Variants in PARD3B observed in about 807,000 individuals in gnomAD.
PARD3B encodes the protein par-3 family cell polarity regulator beta, also known as partitioning defective 3 homolog B.
Under a neutral mutation model 130.2 loss-of-function variants are expected in PARD3B, and 103 were observed. The ratio of observed to expected loss-of-function variants is 0.79; its 90% CI spans 0.67 to 0.93. PARD3B has a LOEUF of 0.93. Among genes scored for constraint, PARD3B ranks in the 40% least tolerant of loss-of-function variants. The pLI, the probability that PARD3B is intolerant of heterozygous loss-of-function variation, is 0.00. For missense variants in PARD3B, 1,609 were observed against 1,499.2 expected (o/e 1.07, Z -1.21); for synonymous variants, 583 against 553.2 (o/e 1.05, Z -0.76).
At chr2:204,637,303 A>G (rs76688418) in intron 1 of PARD3B, among the ~76,000 whole-genome samples, 2,898 of 152,264 alleles carry the variant, frequency 0.019, 87 homozygotes, top group African/African-American at 0.067. Context: ...AAATACTAAT[A>G]GTTTTCCAAG....
At chr2:204,684,496 C>T (rs1034797903) in intron 1 of PARD3B, among the ~76,000 whole-genome samples, 4 of 152,084 alleles carry the variant, frequency 2.6e-5, no homozygotes, top group Admixed American at 1.3e-4. Context: ...ATGTTGCTTG[C>T]GGCATGGCCA....
At chr2:204,865,471 A>G (rs1199076487) in intron 2 of PARD3B, among the ~76,000 whole-genome samples, 2 of 152,234 alleles carry the variant, frequency 1.3e-5, no homozygotes, top group African/African-American at 4.8e-5. Flanking sequence ...GGAATGAAAT[A>G]ATGGCATTCA....
chr2:204,876,308 G>A (rs2125658386), intron 2 of PARD3B, among the ~76,000 whole-genome samples: 1 of 152,266 alleles, frequency 6.6e-6, no homozygotes, highest in South Asian at 2.1e-4. Flanking sequence ...TCAACGCTTG[G>A]TAAACGTGAT....
At chr2:205,032,329 A>C (rs1319749785) in intron 3 of PARD3B, among the ~76,000 whole-genome samples, 1 of 152,088 alleles carries the variant, frequency 6.6e-6, no homozygotes, top group South Asian at 2.1e-4. Context: ...CACATGGATT[A>C]GATTTCAGTT....
intron 1 of PARD3B, among the ~76,000 whole-genome samples, chr2:204,671,863 T>C (rs1332619052): frequency 6.6e-6 from 1 of 152,246 alleles, no homozygotes; most frequent in Non-Finnish European, 1.5e-5. Context: ...TTAATATGTA[T>C]GCATGAATGA....
At chr2:205,140,028 G>GC (rs2032817232) in intron 10 of PARD3B, among the ~76,000 whole-genome samples, 1 of 152,160 alleles carries the variant, frequency 6.6e-6, no homozygotes, top group Admixed American at 6.5e-5. Context: ...CCCAAAGATT[G>GC]CGTTGCCTCT....
At chr2:205,161,034 T>C (rs1010250076) in intron 11 of PARD3B, among the ~76,000 whole-genome samples, 2 of 152,188 alleles carry the variant, frequency 1.3e-5, no homozygotes, top group African/African-American at 4.8e-5. Flanking sequence ...CTTGGTCATG[T>C]TTGTGGATAC....
At chr2:205,539,842 C>T (rs558235360) in intron 21 of PARD3B, among the ~76,000 whole-genome samples, 1 of 152,030 alleles carries the variant, frequency 6.6e-6, no homozygotes, top group Non-Finnish European at 1.5e-5. Flanking sequence ...CAGCCAAGTA[C>T]GGTTAGATGT....
chr2:205,113,435 G>C, intron 5 of PARD3B, 56 bp from the exon 6 acceptor site: 1 of 1,169,688 alleles, frequency 8.5e-7, no homozygotes, highest in Non-Finnish European at 1.3e-6. Context: ...TTTTAGATGT[G>C]CTCCCTCTGT....
chr2:204,738,685 G>T (rs773972378), intron 2 of PARD3B, among the ~76,000 whole-genome samples: 3 of 151,632 alleles, frequency 2.0e-5, no homozygotes, highest in Non-Finnish European at 4.4e-5. Flanking sequence ...TAGACAGGCA[G>T]GTCTGAGGTC....
rs145209608 is a variant in PARD3B at position 204,641,022 on chromosome 2, A to C, written c.121-45159A>C. Among the ~76,000 whole-genome samples, 1,040 of 147,908 alleles carry C rather than the reference A, an allele frequency of 7.0e-3. 10 individuals carry two copies. The highest frequency in any genetic ancestry group is 0.024 in the African/African-American group (986 of 40,840). On this transcript the variant is annotated intron_variant, in intron 1 of 22. Coordinates refer to ENST00000406610, the MANE Select transcript of PARD3B (RefSeq NM_001302769.2). ...TGTACATATATATGAAAGTATGTATATATTTACTATATTATATGTTATAAT... is the reference window on the plus strand; with the variant it reads ...TGTACATATATATGAAAGTATGTATCTATTTACTATATTATATGTTATAAT...
chr2:205,202,305 A>G (rs2037038911), intron 15 of PARD3B, among the ~76,000 whole-genome samples: 1 of 152,192 alleles, frequency 6.6e-6, no homozygotes, highest in African/African-American at 2.4e-5. Context: ...TTTGAGTTGG[A>G]AGCAAAGGTG....
intron 10 of PARD3B, among the ~76,000 whole-genome samples, chr2:205,148,680 C>A (rs1377490125): frequency 1.3e-5 from 2 of 151,816 alleles, no homozygotes; most frequent in Non-Finnish European, 2.9e-5. Context: ...AATATCCTGG[C>A]AGAATTGCCA....
chr2:205,233,539 TATAAAA>T (rs1346271955), intron 15 of PARD3B, among the ~76,000 whole-genome samples: 1 of 152,090 alleles, frequency 6.6e-6, no homozygotes, highest in Non-Finnish European at 1.5e-5. Flanking sequence ...TTTTAAGACA[TATAAAA>T]ATATATTATT....
rs547507165 is a variant in PARD3B at position 205,590,342 on chromosome 2, A to G, written c.3261-25114A>G. 6.6e-6 allele frequency among the ~76,000 whole-genome samples: 1 copy of G among 151,064 alleles called. No homozygotes were observed. Among genetic ancestry groups the G allele is most frequent in the East Asian group, 2.0e-4 (1 of 5,070 alleles). On this transcript the variant is annotated intron_variant, in intron 22 of 22. Coordinates refer to ENST00000406610, the MANE Select transcript of PARD3B (RefSeq NM_001302769.2). The surrounding 1 kb of genome is among the most constrained non-coding windows in gnomAD (Gnocchi z 4.1). ...TTGCTCTCAGGCACGCTCTTCCACC[A>G]TGGTGGCAAGATGGCTGCCCACAGC...
intron 2 of PARD3B, among the ~76,000 whole-genome samples, chr2:204,798,985 A>G (rs1282164171): frequency 6.6e-6 from 1 of 151,814 alleles, no homozygotes; most frequent in Admixed American, 6.6e-5. Context: ...AAGACTCCTT[A>G]TGCTTGAGGA....
chr2:205,039,260 T>C (rs80124443), intron 3 of PARD3B, among the ~76,000 whole-genome samples: 3,307 of 152,202 alleles, frequency 0.022, 112 homozygotes, highest in African/African-American at 0.075. Flanking sequence ...GCAATACTGG[T>C]AAGGCATGTA....
intron 22 of PARD3B, among the ~76,000 whole-genome samples, chr2:205,567,004 A>G (rs929462560): frequency 7.9e-5 from 12 of 152,242 alleles, no homozygotes; most frequent in Admixed American, 3.3e-4. Context: ...TCCATGAAGC[A>G]TAAGGATGAG....
In PARD3B at chr2:205,453,949, ATGC is replaced by A. The variant is rs146248263; in HGVS notation, c.3044+13286_3044+13288del. On this transcript the variant is annotated intron_variant, in intron 20 of 22. Transcript: ENST00000406610. ...TACTAAGCATGTGCAAATAGCATGC[ATGC>A]TGCTGCTGACCTGCCAGATATTTCT... is the stretch of plus-strand genomic sequence containing the variant. 2.8e-3 allele frequency among the ~76,000 whole-genome samples: 434 copies of A among 152,286 alleles called. 1 individual carries two copies. Among genetic ancestry groups the A allele is most frequent in the African/African-American group, 9.4e-3 (391 of 41,566 alleles).
Sources: allele counts gnomAD v4.1 joint callset (sites outside exome capture counted in the v4.1 genomes callset), GRCh38; gene constraint gnomAD v4.1.1; non-coding constraint Gnocchi (gnomAD v3.1); transcripts MANE v1.5; gene names NCBI Gene and HGNC (gene_info 2026-07-23, HGNC 2026-07-21).